Variants in MMP26 observed in about 807,000 individuals in gnomAD.
MMP26 encodes matrix metalloproteinase-26.
A neutral mutation model predicts 31.0 loss-of-function variants in MMP26; 33 were observed. The observed-to-expected ratio is 1.06, with a 90% CI of 0.81 to 1.42. The LOEUF (loss-of-function observed/expected upper bound fraction) is 1.42, where lower values mean the gene tolerates loss of function less well. MMP26 is among the 40% of genes most tolerant of loss of function. The pLI, the probability that MMP26 is intolerant of heterozygous loss-of-function variation, is 0.00. For synonymous variants in MMP26, 122 were observed against 114.9 expected (o/e 1.06, Z -0.40); for missense variants, 347 against 316.1 (o/e 1.10, Z -0.74).
chr11:4,897,035 A>G (rs917687455), intron 2 of MMP26, among the ~76,000 whole-genome samples: 1 of 152,130 alleles, frequency 6.6e-6, no homozygotes, highest in African/African-American at 2.4e-5. Flanking sequence ...ATATATTCAT[A>G]TGCATAATGT....
intron 2 of MMP26, among the ~76,000 whole-genome samples, chr11:4,971,644 G>C (rs1564817240): frequency 6.6e-6 from 1 of 152,096 alleles, no homozygotes; most frequent in South Asian, 2.1e-4. Flanking sequence ...GAAGATTTTG[G>C]CTTAGTCTGT....
At chr11:4,821,842 G>A (rs762204536) in intron 2 of MMP26, 3 of 1,613,364 alleles carry the variant, frequency 1.9e-6, no homozygotes, top group Non-Finnish European at 1.7e-6. Flanking sequence ...CCTTACCAAT[G>A]CCCGAATTGC....
intron 2 of MMP26, among the ~76,000 whole-genome samples, chr11:4,809,867 G>T (rs906419647): frequency 6.6e-5 from 10 of 152,116 alleles, no homozygotes; most frequent in African/African-American, 2.4e-4. Flanking sequence ...TTTCTGTGAT[G>T]GGCAGAGGTG....
intron 2 of MMP26, among the ~76,000 whole-genome samples, chr11:4,783,714 T>A (rs1848896859): frequency 6.6e-6 from 1 of 152,180 alleles, no homozygotes; most frequent in African/African-American, 2.4e-5. Flanking sequence ...GTGGGAGGGA[T>A]CCTGTGGGAG....
intron 2 of MMP26, among the ~76,000 whole-genome samples, chr11:4,843,133 C>T (rs1849819093): frequency 6.6e-6 from 1 of 152,228 alleles, no homozygotes; most frequent in Non-Finnish European, 1.5e-5. Flanking sequence ...CTTTCACAGG[C>T]TGGCTTTGAG....
At chr11:4,717,050 G>T (rs1847942939) in intron 1 of MMP26, among the ~76,000 whole-genome samples, 1 of 152,128 alleles carries the variant, frequency 6.6e-6, no homozygotes, top group Non-Finnish European at 1.5e-5. Flanking sequence ...CATTGCCTTT[G>T]AATATGCTTA....
intron 2 of MMP26, among the ~76,000 whole-genome samples, chr11:4,780,008 G>A (rs535812565): frequency 1.8e-4 from 28 of 152,140 alleles, no homozygotes; most frequent in African/African-American, 6.5e-4. Context: ...ATTCATCCAT[G>A]TTGCTGTATG....
chr11:4,886,291 T>C (rs1369381253), intron 2 of MMP26, among the ~76,000 whole-genome samples: 1 of 152,154 alleles, frequency 6.6e-6, no homozygotes, highest in African/African-American at 2.4e-5. Flanking sequence ...TCATACTGCC[T>C]GGGCTGAGAT....
intron 1 of MMP26, among the ~76,000 whole-genome samples, chr11:4,737,929 G>T (rs975381722): frequency 6.6e-6 from 1 of 152,104 alleles, no homozygotes; most frequent in Admixed American, 6.5e-5. Context: ...AACTCCTCTT[G>T]TCTCAGTTTC....
intron 1 of MMP26, among the ~76,000 whole-genome samples, chr11:4,734,285 C>T (rs1231777916): frequency 6.6e-6 from 1 of 152,126 alleles, no homozygotes; most frequent in Non-Finnish European, 1.5e-5. Context: ...TCATCTAGGT[C>T]CATGTTTTCC....
At chr11:4,905,047 G>C (rs1850862331) in intron 2 of MMP26, among the ~76,000 whole-genome samples, 2 of 152,088 alleles carry the variant, frequency 1.3e-5, no homozygotes, top group East Asian at 3.9e-4. Flanking sequence ...TGAAAGACCT[G>C]AGTCAATATC....
intron 2 of MMP26, chr11:4,804,005 A>G: frequency 1.9e-6 from 3 of 1,613,998 alleles, no homozygotes; most frequent in Non-Finnish European, 2.5e-6. Context: ...ATAGCCACGT[A>G]GCAGTCCAGG....
chr11:4,890,979 GAATAAT>G (rs71050436), intron 2 of MMP26, among the ~76,000 whole-genome samples: 8,924 of 137,060 alleles, frequency 0.065, 398 homozygotes, highest in African/African-American at 0.12. Context: ...AATGAACTCA[GAATAAT>G]AATAATAATA....
At chr11:4,910,873 G>C (rs1467715818) in intron 2 of MMP26, among the ~76,000 whole-genome samples, 1 of 152,064 alleles carries the variant, frequency 6.6e-6, no homozygotes, top group Non-Finnish European at 1.5e-5. Context: ...AAAATCTTGA[G>C]TATTCCCTGA....
chr11:4,990,250 A>G (rs1199674095), intron 4 of MMP26, among the ~76,000 whole-genome samples: 1 of 152,232 alleles, frequency 6.6e-6, no homozygotes, highest in Non-Finnish European at 1.5e-5. Flanking sequence ...GTAGAATGCT[A>G]TACATTTTAA....
At chr11:4,707,781 G>A (rs921270610) in intron 1 of MMP26, among the ~76,000 whole-genome samples, 2 of 152,200 alleles carry the variant, frequency 1.3e-5, no homozygotes, top group Non-Finnish European at 2.9e-5. Flanking sequence ...ACTATTTTCA[G>A]AAGCAGTTCA....
chr11:4,916,512 A>G (rs992673405), intron 2 of MMP26, among the ~76,000 whole-genome samples: 1 of 150,918 alleles, frequency 6.6e-6, no homozygotes, highest in African/African-American at 2.4e-5. Context: ...TCTTTGTTAT[A>G]GTTTTAGTTT....
chr11:4,817,162 A>G (rs540111913), intron 2 of MMP26, among the ~76,000 whole-genome samples: 1 of 152,276 alleles, frequency 6.6e-6, no homozygotes, highest in African/African-American at 2.4e-5. Context: ...GATTGTATGT[A>G]CATTTTTATA....
intron 2 of MMP26, chr11:4,832,073 T>C (rs1321644086): frequency 1.3e-5 from 2 of 152,192 alleles, no homozygotes; most frequent in Non-Finnish European, 2.9e-5. Flanking sequence ...ATTAAAAACT[T>C]TTATCTATTG....
Sources: allele counts gnomAD v4.1 joint callset (sites outside exome capture counted in the v4.1 genomes callset), GRCh38; gene constraint gnomAD v4.1.1; transcripts MANE v1.5; gene names NCBI Gene and HGNC (gene_info 2026-07-23, HGNC 2026-07-21).